Variants in NECTIN3 observed in about 807,000 individuals in gnomAD.
The protein encoded by NECTIN3 is nectin cell adhesion molecule 3.
Under a neutral mutation model 49.4 loss-of-function variants are expected in NECTIN3, and 8 were observed. The ratio of observed to expected loss-of-function variants is 0.16; its 90% CI spans 0.10 to 0.29. The LOEUF is 0.29. Ranked by LOEUF, NECTIN3 falls within the 10% of genes least tolerant of loss-of-function variation. NECTIN3 has a pLI of 1.00. For missense variants in NECTIN3, 581 were observed against 654.6 expected (o/e 0.89, Z 1.23); for synonymous variants, 277 against 241.1 (o/e 1.15, Z -1.38).
At chr3:111,138,582 A>G (rs1365562178), downstream of NECTIN3, among the ~76,000 whole-genome samples, 1 of 151,520 alleles carries the variant, frequency 6.6e-6, no homozygotes, top group Non-Finnish European at 1.5e-5. Context: ...CTTAGGTATC[A>G]TTTATTTTCT....
intron 7 of NECTIN3, among the ~76,000 whole-genome samples, chr3:111,147,807 A>G (rs1421946971): frequency 1.3e-5 from 2 of 152,218 alleles, no homozygotes; most frequent in African/African-American, 4.8e-5. Context: ...CTGTTAATAC[A>G]GTTTTATTGA....
intron 5 of NECTIN3, among the ~76,000 whole-genome samples, chr3:111,142,996 G>GTA (rs1469699566): frequency 1.3e-5 from 2 of 151,856 alleles, no homozygotes; most frequent in Non-Finnish European, 3.0e-5. Flanking sequence ...GACTAGAGAT[G>GTA]TATGACCTTG....
At position 111,109,227 on chromosome 3, in the gene NECTIN3, G is replaced by A. The variant is rs140976136; in HGVS notation, c.161-2803G>A. On this transcript the variant is annotated intron_variant, in intron 1 of 5. Coordinates refer to ENST00000485303, the MANE Select transcript of NECTIN3 (RefSeq NM_015480.3). ...ATTTAAACCTAATTATCATGCAGAG[G>A]CCTACCAGATACTACCTTTGAGGTC... is the stretch of plus-strand genomic sequence containing the variant. Among the ~76,000 whole-genome samples the A allele has an allele frequency of 7.9e-3, 1,201 of 152,116 alleles. 21 individuals are homozygous for A. The highest frequency in any genetic ancestry group is 0.028 in the African/African-American group (1,146 of 41,500).
chr3:111,154,097 C>T (rs1043585905), intron 7 of NECTIN3, among the ~76,000 whole-genome samples: 8 of 152,088 alleles, frequency 5.3e-5, no homozygotes, highest in Non-Finnish European at 7.4e-5. Context: ...AATATCACCA[C>T]GATCAAAATA....
intron 7 of NECTIN3, among the ~76,000 whole-genome samples, chr3:111,183,159 C>G (rs535889142): frequency 6.6e-6 from 1 of 152,062 alleles, no homozygotes; most frequent in East Asian, 1.9e-4. Context: ...TACATTATTA[C>G]TATTTTTGTT....
At chr3:111,121,699 T>A (rs909329622) in intron 3 of NECTIN3, among the ~76,000 whole-genome samples, 1 of 152,194 alleles carries the variant, frequency 6.6e-6, no homozygotes, top group Non-Finnish European at 1.5e-5. Flanking sequence ...AAATATCTCA[T>A]TAAAGACTGT....
chr3:111,164,428 A>C (rs2035278036), intron 7 of NECTIN3, among the ~76,000 whole-genome samples: 1 of 152,146 alleles, frequency 6.6e-6, no homozygotes, highest in African/African-American at 2.4e-5. Context: ...TCCTCATATT[A>C]CTACCATTAG....
chr3:111,183,360 G>A (rs1400640500), intron 7 of NECTIN3, among the ~76,000 whole-genome samples: 1 of 149,222 alleles, frequency 6.7e-6, no homozygotes, highest in Non-Finnish European at 1.5e-5. Flanking sequence ...TGCCCAGGCT[G>A]GAGTGCAATG....
At chr3:111,144,290 ATGT>A (rs1295251572) in intron 5 of NECTIN3, among the ~76,000 whole-genome samples, 9 of 152,060 alleles carry the variant, frequency 5.9e-5, no homozygotes, top group Non-Finnish European at 1.3e-4. Flanking sequence ...TTCTATTTAA[ATGT>A]TGTAGTAGAG....
chr3:111,077,067 A>C (rs914460073), intron 1 of NECTIN3: 2 of 172,712 alleles, frequency 1.2e-5, no homozygotes, highest in African/African-American at 4.8e-5. Flanking sequence ...CTTATCAATT[A>C]CAAATTTTAA....
intron 6 of NECTIN3, chr3:111,145,042 G>A (rs1485728035): frequency 3.9e-6 from 6 of 1,535,740 alleles, no homozygotes; most frequent in Non-Finnish European, 5.2e-6. Flanking sequence ...CAAAGTGTAG[G>A]TAACTTTTTT....
chr3:111,189,201 C>T (rs772657196), upstream of NECTIN3, among the ~76,000 whole-genome samples: 2 of 152,118 alleles, frequency 1.3e-5, no homozygotes, highest in Non-Finnish European at 2.9e-5. Context: ...CCTTTTCCTT[C>T]TAGAAGTGTC....
chr3:111,100,584 G>C (rs1008958685), intron 1 of NECTIN3, among the ~76,000 whole-genome samples: 3 of 152,030 alleles, frequency 2.0e-5, no homozygotes, highest in African/African-American at 7.2e-5. Context: ...AACACATCTT[G>C]TCCTAAGCAT....
chr3:111,134,297 A>C lies in NECTIN3; in HGVS notation c.*82A>C. On this transcript the variant is annotated 3_prime_UTR_variant, in exon 6 of 6. Coordinates refer to ENST00000485303, the MANE Select transcript of NECTIN3 (RefSeq NM_015480.3). ...TTCAGATTGTTCATACTTTTTCTTG[A>C]GGAAGAATAAGCTTTTTCAAGTTGA... The C allele has an allele frequency of 6.7e-7, 1 of 1,481,746 alleles. No homozygotes were observed. The highest frequency in any genetic ancestry group is 1.4e-5 in the African/African-American group (1 of 70,726). The allele number at this position is 1,481,746 out of a possible 1,614,324, so 91.8% of individuals were successfully genotyped here.
chr3:111,147,538 T>G, intron 7 of NECTIN3: 1 of 1,347,652 alleles, frequency 7.4e-7, no homozygotes, highest in South Asian at 1.3e-5. Context: ...TAAAAAATAC[T>G]AAGCCATTTG....
At chr3:111,187,667 A>G (rs2035746191), upstream of NECTIN3, among the ~76,000 whole-genome samples, 1 of 152,218 alleles carries the variant, frequency 6.6e-6, no homozygotes, top group South Asian at 2.1e-4. Context: ...GGTAACGTTA[A>G]ATGCATATTA....
chr3:111,191,583 G>A (rs2035814138), upstream of NECTIN3, among the ~76,000 whole-genome samples: 2 of 151,354 alleles, frequency 1.3e-5, no homozygotes, highest in South Asian at 2.1e-4. Flanking sequence ...AACTCCCTTT[G>A]TAATCTGTGT....
chr3:111,113,520 G>A (rs2033561185), intron 2 of NECTIN3, among the ~76,000 whole-genome samples: 1 of 152,092 alleles, frequency 6.6e-6, no homozygotes, highest in South Asian at 2.1e-4. Flanking sequence ...ATTTTTTCAT[G>A]TTGAGAGATA....
intron 7 of NECTIN3, among the ~76,000 whole-genome samples, chr3:111,178,793 A>T (rs1320165459): frequency 6.6e-6 from 1 of 152,218 alleles, no homozygotes; most frequent in Non-Finnish European, 1.5e-5. Flanking sequence ...GGGAAGTTTT[A>T]TGTGATGGTT....
Sources: allele counts gnomAD v4.1 joint callset (sites outside exome capture counted in the v4.1 genomes callset), GRCh38; gene constraint gnomAD v4.1.1; transcripts MANE v1.5; gene names NCBI Gene and HGNC (gene_info 2026-07-23, HGNC 2026-07-21).